Variants in DAB1 observed in about 807,000 individuals in gnomAD.
DAB1 encodes disabled homolog 1.
A neutral mutation model predicts 64.6 loss-of-function variants in DAB1; 15 were observed. The ratio of observed to expected loss-of-function variants is 0.23; its 90% CI spans 0.16 to 0.36. The LOEUF is 0.36. DAB1 is among the 10% of genes least tolerant of loss of function. The pLI, the probability that DAB1 is intolerant of heterozygous loss-of-function variation, is 1.00. For missense variants in DAB1, 596 were observed against 706.7 expected, an observed-to-expected ratio of 0.84 and a Z score of 1.78; for synonymous variants, 235 against 251.9, an observed-to-expected ratio of 0.93 and a Z score of 0.64.
rs78508920 is a variant in DAB1 at position 58,318,157 on chromosome 1, G to A, written n.309+25195C>T. ...AACTGCCAGAGGAGATTTAAGAGAT[G>A]AGGAGTTGTGTCCAATTAAGCACCT... On this transcript the variant is annotated intron_variant and non_coding_transcript_variant, in intron 4 of 20. Coordinates refer to the DAB1 transcript ENST00000485760. Among the ~76,000 whole-genome samples, 1,048 of 152,306 alleles carry A rather than the reference G, an allele frequency of 6.9e-3. 10 individuals carry two copies. Among genetic ancestry groups the A allele is most frequent in the Non-Finnish European group, 9.3e-3 (635 of 68,030 alleles).
At chr1:58,536,803 A>C (rs183117317) in intron 1 of DAB1, 67 of 794,448 alleles carry the variant, frequency 8.4e-5, no homozygotes, top group Middle Eastern at 2.3e-4. Flanking sequence ...ACTAAAGCTC[A>C]AATGCATACA....
intron 7 of DAB1, among the ~76,000 whole-genome samples, chr1:57,643,744 C>T (rs529716001): frequency 2.6e-5 from 4 of 152,260 alleles, no homozygotes; most frequent in South Asian, 4.2e-4. Flanking sequence ...CACTCCATTA[C>T]GAATTCTCAA....
intron 1 of DAB1, among the ~76,000 whole-genome samples, chr1:57,379,646 G>C (rs1157678089): frequency 6.6e-6 from 1 of 152,078 alleles, no homozygotes; most frequent in Non-Finnish European, 1.5e-5. Context: ...AGTGCCCCAG[G>C]GTAACAAACA....
Position 57,272,270 on chromosome 1 carries a change from C to A in DAB1, c.67+18694G>T, listed in dbSNP as rs1248913877. On this transcript the variant is annotated intron_variant, in intron 2 of 14. Coordinates refer to ENST00000371236, the MANE Select transcript of DAB1 (RefSeq NM_001365792.1). ...TAAAGTAGAACCACACGCCTGGAGA[C>A]CATTCAAGTGTTGAGCTGTAACTTC... Among the ~76,000 whole-genome samples the A allele has an allele frequency of 2.0e-5, 3 of 152,170 alleles. No homozygotes were observed. The East Asian group carries it at 5.8e-4, about 29-fold the overall frequency.
intron 4 of DAB1, among the ~76,000 whole-genome samples, chr1:58,192,626 T>C (rs1657447266): frequency 6.6e-6 from 1 of 152,188 alleles, no homozygotes; most frequent in East Asian, 1.9e-4. Flanking sequence ...TAGTATTCCA[T>C]GTGTGCGTGT....
intron 8 of DAB1, 55 bp downstream of exon 8, chr1:57,069,305 A>C (rs1451045682): frequency 7.2e-7 from 1 of 1,390,430 alleles, no homozygotes; most frequent in Non-Finnish European, 1.0e-6. Flanking sequence ...CTATCAGTAC[A>C]TTTATGCATG....
At chr1:57,679,701 A>G (rs1294314764) in intron 6 of DAB1, among the ~76,000 whole-genome samples, 2 of 152,174 alleles carry the variant, frequency 1.3e-5, no homozygotes, top group Non-Finnish European at 2.9e-5. Flanking sequence ...TCATATATAT[A>G]ATTATGCATA....
At chr1:58,401,270 C>A (rs889277605) in intron 3 of DAB1, among the ~76,000 whole-genome samples, 3 of 152,188 alleles carry the variant, frequency 2.0e-5, no homozygotes, top group Admixed American at 6.5e-5. Flanking sequence ...ACATAACTGA[C>A]CTCGTCTTCT....
chr1:57,563,207 C>G (rs573658832), intron 7 of DAB1, among the ~76,000 whole-genome samples: 1 of 152,270 alleles, frequency 6.6e-6, no homozygotes, highest in South Asian at 2.1e-4. Flanking sequence ...ACCACATGAC[C>G]AGCTGCAAAA....
intron 6 of DAB1, among the ~76,000 whole-genome samples, chr1:57,739,654 T>C (rs1004398832): frequency 1.3e-5 from 2 of 150,988 alleles, no homozygotes; most frequent in African/African-American, 4.9e-5. Context: ...GGTTTCGCCA[T>C]GTTGGCCAGG....
chr1:57,061,287 C>G (rs1336811616), intron 9 of DAB1, among the ~76,000 whole-genome samples: 1 of 149,144 alleles, frequency 6.7e-6, no homozygotes, highest in Non-Finnish European at 1.5e-5. Flanking sequence ...GGACATTGAT[C>G]AGAAAGAAGT....
intron 5 of DAB1, among the ~76,000 whole-genome samples, chr1:57,928,418 C>T (rs1557561167): frequency 6.6e-6 from 1 of 152,074 alleles, no homozygotes; most frequent in African/African-American, 2.4e-5. Flanking sequence ...CAGAGAAGTA[C>T]ATTTGTTACA....
chr1:57,443,531 A>C (rs2101138073), intron 7 of DAB1, among the ~76,000 whole-genome samples: 1 of 152,300 alleles, frequency 6.6e-6, no homozygotes, highest in African/African-American at 2.4e-5. Flanking sequence ...ACTTAAATGT[A>C]GCTTCTTTGG....
chr1:57,344,593 T>C (rs1442782098), intron 1 of DAB1, among the ~76,000 whole-genome samples: 1 of 151,900 alleles, frequency 6.6e-6, no homozygotes, highest in East Asian at 2.0e-4. Context: ...CCCTGATGAA[T>C]CGAGGCGAAG....
chr1:57,472,426 A>G (rs576644528), intron 7 of DAB1, among the ~76,000 whole-genome samples: 1 of 152,340 alleles, frequency 6.6e-6, no homozygotes, highest in African/African-American at 2.4e-5. Context: ...AAAAGTAAAA[A>G]CTAAAAGGCA....
Position 57,715,576 on chromosome 1 carries a change from A to G in DAB1, n.552-65911T>C, listed in dbSNP as rs548224125. On this transcript the variant is annotated intron_variant and non_coding_transcript_variant, in intron 6 of 20. Transcript: ENST00000485760. Reference sequence around the variant, plus strand: ...CTCCACCAAAAGACTGTTAGAAGTAATAAGTTTTGTAAAGTTGTAGGATAT... The same window carrying G: ...CTCCACCAAAAGACTGTTAGAAGTAGTAAGTTTTGTAAAGTTGTAGGATAT... 3.3e-5 allele frequency among the ~76,000 whole-genome samples: 5 copies of G among 152,362 alleles called. No individual in the cohort carries two copies. In the South Asian group the frequency reaches 6.2e-4, roughly 19 times the overall value.
chr1:57,139,590 A>C (rs929399466), intron 3 of DAB1, among the ~76,000 whole-genome samples: 3 of 152,180 alleles, frequency 2.0e-5, no homozygotes, highest in Admixed American at 1.3e-4. Context: ...TTTAGGTGAG[A>C]AGAGCACAGG....
At chr1:57,196,823 T>C (rs1169289887) in intron 2 of DAB1, among the ~76,000 whole-genome samples, 2 of 152,238 alleles carry the variant, frequency 1.3e-5, no homozygotes, top group Non-Finnish European at 2.9e-5. Context: ...TTTATGTAGT[T>C]TGAAAATTCA....
chr1:57,321,460 A>G (rs568225700), intron 1 of DAB1, among the ~76,000 whole-genome samples: 2 of 151,984 alleles, frequency 1.3e-5, no homozygotes, highest in South Asian at 4.2e-4. Context: ...TCAAGTCTAC[A>G]TCTGCCACCC....
Sources: gnomAD v4.1 joint callset for allele counts (sites outside exome capture counted in the v4.1 genomes callset) on GRCh38, gnomAD v4.1.1 for gene constraint, MANE v1.5 for transcripts, NCBI Gene and HGNC (gene_info 2026-07-23, HGNC 2026-07-21) for gene names.